Variants in PLD5 observed in about 807,000 individuals in gnomAD.
The protein encoded by PLD5 is inactive phospholipase D5.
Under a neutral mutation model 61.1 loss-of-function variants are expected in PLD5, and 36 were observed. The observed-to-expected ratio is 0.59, with a 90% confidence interval of 0.45 to 0.78. PLD5 has a LOEUF of 0.78. Ranked by LOEUF, PLD5 falls within the 30% of genes least tolerant of loss-of-function variation. The pLI is 0.00. For synonymous variants in PLD5, 243 were observed against 242.8 expected (o/e 1.00, Z -0.01); for missense variants, 515 against 644.4 (o/e 0.80, Z 2.17).
rs10676683 is a variant in PLD5 at position 242,500,986 on chromosome 1, AT to A, written c.189+23101del. On this transcript the variant is annotated intron_variant, in intron 1 of 9. Transcript: ENST00000536534. ...TTAACGTTTTTCTTTAAGTCAACTC[AT>A]TTTTTTTAACTTAAGTACCTTTTCA... Among the ~76,000 whole-genome samples, 84 of 151,990 alleles carry A rather than the reference AT, an allele frequency of 5.5e-4. 2 individuals are homozygous for A. The South Asian group carries it at 0.016, about 29-fold the overall frequency.
chr1:242,102,763 GC>G (rs774681961), intron 8 of PLD5, among the ~76,000 whole-genome samples: 16 of 152,124 alleles, frequency 1.1e-4, no homozygotes, highest in Non-Finnish European at 2.2e-4. Context: ...TAAGCTTCTT[GC>G]CCATCTAGGC....
chr1:242,260,377 C>A (rs773613081), intron 4 of PLD5, among the ~76,000 whole-genome samples: 2 of 151,402 alleles, frequency 1.3e-5, no homozygotes, highest in African/African-American at 4.8e-5. Context: ...GTCACGATTA[C>A]TCCCTGTAAG....
At chr1:242,189,151 A>C (rs1668082687) in intron 5 of PLD5, among the ~76,000 whole-genome samples, 1 of 152,114 alleles carries the variant, frequency 6.6e-6, no homozygotes, top group Non-Finnish European at 1.5e-5. Context: ...TGGCTTTAGA[A>C]TTTCAAGGCT....
At chr1:242,207,810 T>TA (rs1669450018) in intron 5 of PLD5, among the ~76,000 whole-genome samples, 3 of 37,564 alleles carry the variant, frequency 8.0e-5, no homozygotes, top group Non-Finnish European at 1.4e-4. Context: ...TTATATATAT[T>TA]TATATTTATA....
chr1:242,364,012 T>C (rs1194480881), intron 1 of PLD5, among the ~76,000 whole-genome samples: 1 of 151,970 alleles, frequency 6.6e-6, no homozygotes, highest in African/African-American at 2.4e-5. Flanking sequence ...ATTTGAAAAA[T>C]ATAATGGCCA....
intron 1 of PLD5, among the ~76,000 whole-genome samples, chr1:242,507,189 A>C (rs1225750050): frequency 6.6e-6 from 1 of 152,244 alleles, no homozygotes; most frequent in African/African-American, 2.4e-5. Flanking sequence ...ACACATGAAA[A>C]AAATGTTTCT....
At chr1:242,438,825 C>T (rs972183582) in intron 1 of PLD5, among the ~76,000 whole-genome samples, 9 of 152,128 alleles carry the variant, frequency 5.9e-5, no homozygotes, top group Non-Finnish European at 1.2e-4. Context: ...TTCCTGTATC[C>T]TCCTTTAATT....
the PLD5 span, among the ~76,000 whole-genome samples, chr1:242,529,752 G>T: frequency 4.8e-5 from 7 of 146,686 alleles, no homozygotes; most frequent in Admixed American, 4.1e-4. Context: ...CTTACACAAG[G>T]AGAACCAAAT....
intron 1 of PLD5, among the ~76,000 whole-genome samples, chr1:242,468,180 A>G (rs1667333110): frequency 1.3e-5 from 2 of 152,176 alleles, no homozygotes; most frequent in South Asian, 2.1e-4. Context: ...GGTAGTTTTC[A>G]TAGTGATTTA....
chr1:242,269,631 A>G (rs1336980719), intron 3 of PLD5, among the ~76,000 whole-genome samples: 3 of 151,814 alleles, frequency 2.0e-5, no homozygotes, highest in South Asian at 4.2e-4. Flanking sequence ...AGGTTGCCGG[A>G]TGATTAAGGT....
chr1:242,296,854 G>A (rs1373504064), intron 2 of PLD5, among the ~76,000 whole-genome samples: 1 of 152,062 alleles, frequency 6.6e-6, no homozygotes, highest in Non-Finnish European at 1.5e-5. Context: ...TGAGTAGCTG[G>A]GACTACAGGT....
intron 1 of PLD5, among the ~76,000 whole-genome samples, chr1:242,467,572 T>C (rs1342293516): frequency 6.6e-6 from 1 of 152,166 alleles, no homozygotes; most frequent in Non-Finnish European, 1.5e-5. Flanking sequence ...CCTCATCCCC[T>C]CCCTTATCAC....
chr1:242,505,163 T>A (rs1436856264), intron 1 of PLD5, among the ~76,000 whole-genome samples: 1 of 152,134 alleles, frequency 6.6e-6, no homozygotes, highest in Non-Finnish European at 1.5e-5. Flanking sequence ...TCTCAAAAAA[T>A]TTTTTAAAAA....
rs577317984 is a variant in PLD5 at position 242,366,467 on chromosome 1, A to C, written c.190-18225T>G. Reference sequence around the variant, plus strand: ...AGGAAATTCTCATTATTTTTACTGGACCAGTAATGAAAATGATTTCTGCAG... The same window carrying C: ...AGGAAATTCTCATTATTTTTACTGGCCCAGTAATGAAAATGATTTCTGCAG... On this transcript the variant is annotated intron_variant, in intron 1 of 9. Transcript: ENST00000536534. Among the ~76,000 whole-genome samples the C allele has an allele frequency of 5.3e-5, 8 of 152,304 alleles. 1 individual carries two copies. In the South Asian group the frequency reaches 1.7e-3, roughly 32 times the overall value.
intron 9 of PLD5, among the ~76,000 whole-genome samples, chr1:242,098,662 GCT>G (rs1167142796): frequency 2.0e-5 from 3 of 152,150 alleles, no homozygotes; most frequent in Non-Finnish European, 4.4e-5. Flanking sequence ...CAGTTTTTCT[GCT>G]CTGTTTTTTC....
chr1:242,522,670 G>A (rs1669316763), intron 1 of PLD5, among the ~76,000 whole-genome samples: 1 of 152,224 alleles, frequency 6.6e-6, no homozygotes, highest in Non-Finnish European at 1.5e-5. Context: ...CTCTTTGCAT[G>A]TAATGCATAA....
rs150405701 is a variant in PLD5 at position 242,258,765 on chromosome 1, A to G, written c.607+6572T>C. 6.6e-3 allele frequency among the ~76,000 whole-genome samples: 1,005 copies of G among 152,310 alleles called. 12 individuals are homozygous for G. The highest frequency in any genetic ancestry group is 0.022 in the African/African-American group (935 of 41,566). ...TTCTGATTAGAGACAACAGTAATGC[A>G]TTCTGTTTCTTAAAGCTACATAGCA... On this transcript the variant is annotated intron_variant, in intron 4 of 9. Transcript: ENST00000536534.
chr1:242,310,298 T>C (rs1376783985), intron 2 of PLD5, among the ~76,000 whole-genome samples: 1 of 152,158 alleles, frequency 6.6e-6, no homozygotes, highest in East Asian at 1.9e-4. Flanking sequence ...AGACCGCCTG[T>C]GACTCCTATC....
intron 5 of PLD5, among the ~76,000 whole-genome samples, chr1:242,159,924 A>G (rs1265212188): frequency 6.6e-6 from 1 of 152,142 alleles, no homozygotes; most frequent in East Asian, 1.9e-4. Context: ...TTGTGTCTAT[A>G]TTCCAGAGAG....
Sources: allele counts gnomAD v4.1 joint callset (sites outside exome capture counted in the v4.1 genomes callset), GRCh38; gene constraint gnomAD v4.1.1; transcripts MANE v1.5; gene names NCBI Gene and HGNC (gene_info 2026-07-23, HGNC 2026-07-21).